NAPB: variants seen among roughly 807,000 people sequenced by gnomAD.
The protein encoded by NAPB is beta-soluble NSF attachment protein.
Under a neutral mutation model 44.7 loss-of-function variants are expected in NAPB, and 26 were observed. That is an observed-to-expected ratio of 0.58 (90% CI 0.43 to 0.81). NAPB has a LOEUF of 0.81. Ranked by LOEUF, NAPB falls within the 30% of genes least tolerant of loss-of-function variation. NAPB has a pLI of 0.00. For synonymous variants in NAPB, 120 were observed against 116.8 expected, an observed-to-expected ratio of 1.03 and a Z score of -0.18; for missense variants, 315 against 356.4, an observed-to-expected ratio of 0.88 and a Z score of 0.94.
intron 1 of NAPB, among the ~76,000 whole-genome samples, chr20:23,408,596 G>C (rs1472673253): frequency 6.6e-6 from 1 of 152,098 alleles, no homozygotes; most frequent in Admixed American, 6.6e-5. Flanking sequence ...TAAAAACTTG[G>C]GGCTTTCCTA....
chr20:23,379,357 TGTTTA>T, intron 10 of NAPB, 83 bp downstream of exon 10: 1 of 1,012,308 alleles, frequency 9.9e-7, no homozygotes, highest in East Asian at 2.4e-5. Context: ...TTCAAATAAA[TGTTTA>T]GAATTCACAT....
At chr20:23,381,081 A>G in intron 8 of NAPB, 132 bp downstream of exon 8, 1 of 669,504 alleles carries the variant, frequency 1.5e-6, no homozygotes, top group South Asian at 1.7e-5. Flanking sequence ...ATACCACAGA[A>G]TAATACTTAT....
chr20:23,374,843 AAAG>A lies in NAPB; in HGVS notation c.*2530_*2532del, dbSNP rs572114722. The A allele has an allele frequency of 1.4e-4, 22 of 152,538 alleles. No homozygotes were observed. The East Asian group carries it at 4.0e-3, about 28-fold the overall frequency. 9.4% of individuals were successfully genotyped at this position (152,538 alleles called of 1,614,324 possible). On this transcript the variant is annotated 3_prime_UTR_variant, in exon 11 of 11. Coordinates refer to ENST00000377026, the MANE Select transcript of NAPB (RefSeq NM_022080.3). ...TACTGCTTTCAAATCATTAAATAAA[AAAG>A]AACTCACACAAGCTATAAAAATGTT...
chr20:23,412,099 C>T (rs1451109573), intron 1 of NAPB, among the ~76,000 whole-genome samples: 1 of 152,236 alleles, frequency 6.6e-6, no homozygotes, highest in Non-Finnish European at 1.5e-5. Flanking sequence ...AGGCTTCTCT[C>T]AGTCACTTGA....
intron 8 of NAPB, 199 bp downstream of exon 8, chr20:23,381,014 A>C: frequency 1.9e-6 from 1 of 535,580 alleles, no homozygotes; most frequent in South Asian, 2.0e-5. Flanking sequence ...GCTATAAACT[A>C]TCAGGTAACT....
In NAPB at chr20:23,390,201, A is replaced by G. The variant is rs765664364; in HGVS notation, c.476+8T>C. 1.4e-5 allele frequency: 23 copies of G among 1,603,076 alleles called. No individual in the cohort carries two copies. Among genetic ancestry groups the G allele is most frequent in the Non-Finnish European group, 2.0e-5 (23 of 1,170,232 alleles). On this transcript the variant is annotated splice_region_variant and intron_variant, in intron 6 of 10. Transcript: ENST00000377026. Reference sequence around the variant, plus strand: ...CCATTAAATCATATTAAGAAAAGTAATACTTGCCTGTTGGATTCTTCTCCT... The same window carrying G: ...CCATTAAATCATATTAAGAAAAGTAGTACTTGCCTGTTGGATTCTTCTCCT...
Position 23,377,147 on chromosome 20 carries a change from C to T in NAPB, c.*229G>A, listed in dbSNP as rs927654345. 3 of 310,432 alleles carry T rather than the reference C, an allele frequency of 9.7e-6. No individual in the cohort carries two copies. The East Asian group carries it at 1.5e-4, about 16-fold the overall frequency. 19.2% of individuals were successfully genotyped at this position (310,432 alleles called of 1,614,324 possible). On this transcript the variant is annotated 3_prime_UTR_variant, in exon 11 of 11. Transcript: ENST00000377026. Reference sequence around the variant, plus strand: ...ATTCTGAAGTACTTCTCAGAAAACGCTGGGGGTTCTGATAAGCATGAAACA... The same window carrying T: ...ATTCTGAAGTACTTCTCAGAAAACGTTGGGGGTTCTGATAAGCATGAAACA...
intron 10 of NAPB, among the ~76,000 whole-genome samples, chr20:23,378,408 C>T (rs1017202095): frequency 4.7e-5 from 7 of 148,692 alleles, no homozygotes; most frequent in Non-Finnish European, 7.4e-5. Context: ...AAGAAAAAAA[C>T]CCTCATATTT....
At chr20:23,392,489 G>T (rs1203205871) in intron 5 of NAPB, among the ~76,000 whole-genome samples, 5 of 151,946 alleles carry the variant, frequency 3.3e-5, no homozygotes, top group Non-Finnish European at 7.4e-5. Flanking sequence ...AACATGAAAA[G>T]ACCTCATTTG....
chr20:23,398,323 GAT>G (rs1325401988), intron 2 of NAPB, among the ~76,000 whole-genome samples: 3 of 152,006 alleles, frequency 2.0e-5, no homozygotes, highest in African/African-American at 7.2e-5. Context: ...ACTCACTGCT[GAT>G]ATTAAACATT....
intron 6 of NAPB, 77 bp from the exon 7 acceptor site, chr20:23,390,107 C>T: frequency 1.3e-6 from 2 of 1,530,610 alleles, no homozygotes; most frequent in Non-Finnish European, 1.8e-6. Flanking sequence ...CTCAGTACAT[C>T]TTCATTTGGT....
At chr20:23,388,128 G>A (rs1344504416) in intron 7 of NAPB, among the ~76,000 whole-genome samples, 3 of 152,134 alleles carry the variant, frequency 2.0e-5, no homozygotes, top group Admixed American at 1.3e-4. Flanking sequence ...GAGGCCTTTG[G>A]ATTTGGACTG....
chr20:23,414,829 T>C (rs1486587399), intron 1 of NAPB, among the ~76,000 whole-genome samples: 1 of 152,192 alleles, frequency 6.6e-6, no homozygotes, highest in African/African-American at 2.4e-5. Flanking sequence ...TGTGTCCTCA[T>C]TGCATAGATA....
chr20:23,402,875 C>T, intron 2 of NAPB, 118 bp downstream of exon 2: 2 of 721,052 alleles, frequency 2.8e-6, no homozygotes, highest in South Asian at 1.8e-5. Context: ...AGTTATTCAG[C>T]ACTGACATCT....
chr20:23,379,650 C>T (rs1982838844), intron 9 of NAPB, 155 bp from the exon 10 acceptor site: 3 of 677,272 alleles, frequency 4.4e-6, no homozygotes, highest in Non-Finnish European at 7.5e-6. Context: ...GATCTAGCTT[C>T]TGTAGTAACA....
At position 23,377,384 on chromosome 20, in the gene NAPB, G is replaced by A; in HGVS notation, c.889C>T (p.Leu297=). The A allele has an allele frequency of 6.3e-7, 1 of 1,584,560 alleles. No homozygotes were observed. The highest frequency in any genetic ancestry group is 8.6e-7 in the Non-Finnish European group (1 of 1,159,036). Residue 297 remains leucine (L), a synonymous_variant, in exon 11 of 11, where the codon CTA becomes TTA. Transcript: ENST00000377026. ...ACAAAGACAAAAACATTTCATTTTAGGTCTCCATCTCCTTCTCCATCCCCT... is the reference window on the plus strand; with the variant it reads ...ACAAAGACAAAAACATTTCATTTTAAGTCTCCATCTCCTTCTCCATCCCCT... ...IQGDGEGDGD[L]K
Position 23,421,423 on chromosome 20 carries a change from C to G in NAPB, c.-21G>C, listed in dbSNP as rs924520263. ...TCCATGTCGCCCGCCGCGGCCGCCA[C>G]AGCCCCCTCAGCCGGCTCGCTGTGC... On this transcript the variant is annotated 5_prime_UTR_variant, in exon 1 of 11. Coordinates refer to ENST00000377026, the MANE Select transcript of NAPB (RefSeq NM_022080.3). 2 of 1,537,846 alleles carry G rather than the reference C, an allele frequency of 1.3e-6. No individual in the cohort carries two copies. The highest frequency in any genetic ancestry group is 8.8e-7 in the Non-Finnish European group (1 of 1,141,294).
intron 2 of NAPB, 153 bp from the exon 3 acceptor site, chr20:23,397,341 G>A (rs960995988): frequency 1.1e-6 from 1 of 877,912 alleles, no homozygotes; most frequent in South Asian, 2.3e-5. Context: ...TGCACCTCGG[G>A]CAAATATAAA....
intron 5 of NAPB, among the ~76,000 whole-genome samples, chr20:23,393,380 G>A (rs1013342247): frequency 2.6e-5 from 4 of 152,176 alleles, no homozygotes; most frequent in Non-Finnish European, 5.9e-5. Context: ...ACCAACAGGT[G>A]GAGGTCACAC....
Sources: allele counts gnomAD v4.1 joint callset (sites outside exome capture counted in the v4.1 genomes callset), GRCh38; gene constraint gnomAD v4.1.1; transcripts MANE v1.5; gene names NCBI Gene and HGNC (gene_info 2026-07-23, HGNC 2026-07-21).